The following USH2A variants were observed in gnomAD, a reference collection of about 807,000 sequenced individuals.
USH2A encodes the protein usherin, also known as Usher syndrome 2A (autosomal recessive, mild).
Under a neutral mutation model 538.9 loss-of-function variants are expected in USH2A, and 443 were observed. The observed-to-expected ratio is 0.82, with a 90% confidence interval of 0.76 to 0.89. The LOEUF (loss-of-function observed/expected upper bound fraction) is 0.89, where lower values mean the gene tolerates loss of function less well. Ranked by LOEUF, USH2A falls within the 40% of genes least tolerant of loss-of-function variation. USH2A has a pLI of 0.00. For synonymous variants in USH2A, 2,413 were observed against 2,273.5 expected (o/e 1.06, Z -1.75); for missense variants, 6,633 against 6,324.8 (o/e 1.05, Z -1.65).
chr1:216,088,696 C>G (rs1470295047), intron 23 of USH2A, among the ~76,000 whole-genome samples: 2 of 152,122 alleles, frequency 1.3e-5, no homozygotes, highest in African/African-American at 4.8e-5. Context: ...AACTGCTTTC[C>G]TCTACTGTAT....
chr1:216,308,391 T>C (rs2037356939), intron 9 of USH2A, among the ~76,000 whole-genome samples: 1 of 145,900 alleles, frequency 6.9e-6, no homozygotes, highest in South Asian at 2.2e-4. Context: ...TTGATGAGTA[T>C]AAAATATTAT....
chr1:216,209,660 G>A (rs1264507506), intron 15 of USH2A, among the ~76,000 whole-genome samples: 4 of 151,866 alleles, frequency 2.6e-5, no homozygotes, highest in African/African-American at 4.9e-5. Context: ...ACACACACAC[G>A]TTTTTGTCCA....
chr1:216,401,181 T>G (rs1171795955), intron 3 of USH2A, among the ~76,000 whole-genome samples: 1 of 152,018 alleles, frequency 6.6e-6, no homozygotes, highest in East Asian at 1.9e-4. Flanking sequence ...AGGACCTAAG[T>G]GGAAATAAAA....
intron 53 of USH2A, 139 bp from the exon 54 acceptor site, chr1:215,782,335 T>A: frequency 1.1e-6 from 1 of 901,518 alleles, no homozygotes; most frequent in Non-Finnish European, 1.7e-6. Flanking sequence ...TATTGCTGTC[T>A]CAAGCAGTTC....
intron 3 of USH2A, among the ~76,000 whole-genome samples, chr1:216,402,008 A>G (rs548766817): frequency 6.6e-6 from 1 of 152,244 alleles, no homozygotes; most frequent in African/African-American, 2.4e-5. Flanking sequence ...ATAATGACTA[A>G]AAGAAGTTCT....
At chr1:216,159,467 A>G (rs1392772535) in intron 21 of USH2A, among the ~76,000 whole-genome samples, 1 of 152,006 alleles carries the variant, frequency 6.6e-6, no homozygotes, top group Non-Finnish European at 1.5e-5. Context: ...GTTGAATCAC[A>G]TACATTTTGA....
At chr1:216,191,657 A>G (rs2034719088) in intron 19 of USH2A, among the ~76,000 whole-genome samples, 1 of 151,984 alleles carries the variant, frequency 6.6e-6, no homozygotes, top group African/African-American at 2.4e-5. Flanking sequence ...GTGATTTAAA[A>G]TTTTCTAAGT....
chr1:215,913,452 A>G (rs1192678523), intron 38 of USH2A, among the ~76,000 whole-genome samples: 1 of 152,086 alleles, frequency 6.6e-6, no homozygotes, highest in Non-Finnish European at 1.5e-5. Context: ...CTGACCTGTT[A>G]TGGGCCGGAA....
At position 215,813,833 on chromosome 1, in the gene USH2A, A is replaced by C; in HGVS notation, c.9642T>G (p.Phe3214Leu). 6.2e-7 allele frequency: 1 copy of C among 1,614,004 alleles called. No individual in the cohort carries two copies. Among genetic ancestry groups the C allele is most frequent in the Non-Finnish European group, 8.5e-7 (1 of 1,179,888 alleles). Residue 3214 changes from phenylalanine to leucine, a missense_variant, in exon 49 of 72, where the codon TTT (phenylalanine) becomes TTG (leucine). Physicochemically the swap from Phe to Leu is conservative, Grantham distance 22. Coordinates refer to ENST00000307340, the MANE Select transcript of USH2A (RefSeq NM_206933.4). ...HRCCEEKYIPFVLNSTGVCCG... is the reference protein window; with the variant it reads ...HRCCEEKYIPLVLNSTGVCCG... ...AACAAACTCCAGTAGAATTCAGAACAAACGGGATATACTTTTCTTCACAAC... is the reference window on the plus strand; with the variant it reads ...AACAAACTCCAGTAGAATTCAGAACCAACGGGATATACTTTTCTTCACAAC...
chr1:216,022,839 C>A (rs569859279), intron 32 of USH2A, among the ~76,000 whole-genome samples: 1 of 152,146 alleles, frequency 6.6e-6, no homozygotes, highest in African/African-American at 2.4e-5. Flanking sequence ...CCTGGCACAG[C>A]AGTGGGAGAG....
intron 49 of USH2A, among the ~76,000 whole-genome samples, chr1:215,801,241 A>T (rs1372767313): frequency 6.6e-6 from 1 of 152,060 alleles, no homozygotes; most frequent in African/African-American, 2.4e-5. Flanking sequence ...AAAGGTTGCC[A>T]CCCTTTGCCA....
At chr1:215,710,528 C>G (rs1659310982) in intron 61 of USH2A, among the ~76,000 whole-genome samples, 1 of 152,010 alleles carries the variant, frequency 6.6e-6, no homozygotes, top group South Asian at 2.1e-4. Context: ...AACAGTCATG[C>G]GTGGTAAGTA....
At chr1:215,704,421 C>T (rs1659121593) in intron 61 of USH2A, among the ~76,000 whole-genome samples, 1 of 152,178 alleles carries the variant, frequency 6.6e-6, no homozygotes, top group Non-Finnish European at 1.5e-5. Flanking sequence ...GACTGCTTTC[C>T]AACATCACTT....
At chr1:216,145,656 A>G (rs1402155511) in intron 21 of USH2A, among the ~76,000 whole-genome samples, 3 of 152,198 alleles carry the variant, frequency 2.0e-5, no homozygotes, top group Non-Finnish European at 2.9e-5. Context: ...CTGCACGTAT[A>G]CGCCCAGATG....
intron 40 of USH2A, among the ~76,000 whole-genome samples, chr1:215,895,930 G>A (rs888513704): frequency 4.6e-5 from 7 of 152,134 alleles, no homozygotes; most frequent in Non-Finnish European, 8.8e-5. Flanking sequence ...TTACTGTACT[G>A]AATACTGTAG....
intron 35 of USH2A, among the ~76,000 whole-genome samples, chr1:215,971,510 C>T (rs541410238): frequency 2.6e-5 from 4 of 152,106 alleles, no homozygotes; most frequent in Middle Eastern, 3.2e-3. Flanking sequence ...AATCCCAACA[C>T]TTTGGGAGGC....
In USH2A at chr1:216,295,278, A is replaced by G. The variant is rs184882455; in HGVS notation, c.1645-2908T>C. On this transcript the variant is annotated intron_variant, in intron 9 of 71. Transcript: ENST00000307340. ...ATTGTTTGACCTATTGAATTGATAA[A>G]TTATACAATAGGTTAGTAGGCTAAT... is the stretch of plus-strand genomic sequence containing the variant. Among the ~76,000 whole-genome samples the G allele has an allele frequency of 6.3e-4, 96 of 151,990 alleles. 1 individual carries two copies. Among genetic ancestry groups the G allele is most frequent in the Non-Finnish European group, 1.0e-3 (71 of 67,764 alleles).
chr1:215,842,458 G>A (rs895316903), intron 46 of USH2A, among the ~76,000 whole-genome samples: 1 of 152,094 alleles, frequency 6.6e-6, no homozygotes, highest in Non-Finnish European at 1.5e-5. Flanking sequence ...CCATTACTGG[G>A]TATATACCCA....
rs547397536 is a variant in USH2A, at chr1:216,262,672, C to A, written c.1972-11574G>T. ...TAAAAACTTATTAATGAAATACTAA[C>A]TTAAAACTTCCTAAGTCTTGGGACA... On this transcript the variant is annotated intron_variant, in intron 11 of 71. Transcript: ENST00000307340. 1.9e-3 allele frequency among the ~76,000 whole-genome samples: 283 copies of A among 152,118 alleles called. 1 individual carries two copies. Among genetic ancestry groups the A allele is most frequent in the Non-Finnish European group, 3.1e-3 (210 of 67,970 alleles).
Sources: gnomAD v4.1 joint callset for allele counts (sites outside exome capture counted in the v4.1 genomes callset) on GRCh38, gnomAD v4.1.1 for gene constraint, MANE v1.5 for transcripts, NCBI Gene and HGNC (gene_info 2026-07-23, HGNC 2026-07-21) for gene names.